SCYGR7: variants seen among roughly 807,000 people sequenced by gnomAD.
SCYGR7 encodes the protein small cysteine and glycine repeat containing 7.
rs576524732 is a variant in SCYGR7, at chr2:227,728,380, T to G, written c.46T>G (p.Cys16Gly). The change falls in exon 1 of 1, where the codon TGT becomes GGT. Residue 16 changes from cysteine to glycine, a missense_variant. Transcript: ENST00000641700. ...AAGTTGTGGTGGCTGCGGTGGTGGCTGTGGTGGCTGCGGTGGTGGCTGCGG... is the reference window on the plus strand; with the variant it reads ...AAGTTGTGGTGGCTGCGGTGGTGGCGGTGGTGGCTGCGGTGGTGGCTGCGG... 1,249 of 403,100 alleles carry G rather than the reference T, an allele frequency of 3.1e-3. 3 individuals are homozygous for G. The highest frequency in any genetic ancestry group is 4.5e-3 in the Non-Finnish European group (1,039 of 232,790). The allele number at this position is 403,100 out of a possible 1,614,324, so 25.0% of individuals were successfully genotyped here.
exon 1 of SCYGR7, chr2:227,728,368 TGCGGTGGTG>T (rs1296185859): frequency 1.5e-5 from 6 of 406,866 alleles, no homozygotes; most frequent in South Asian, 1.2e-4. Context: ...TTGTGGTGGC[TGCGGTGGTG>T]GCTGTGGTGG....
At chr2:227,728,359 T>TGTGGTGGCTGCG (rs1559265990) in exon 1 of SCYGR7, 13 of 403,846 alleles carry the variant, frequency 3.2e-5, no homozygotes, top group Admixed American at 2.2e-4. Flanking sequence ...TTGTGGAAGT[T>TGTGGTGGCTGCG]GTGGTGGCTG....
exon 1 of SCYGR7, chr2:227,728,358 T>TTGTGGTGGTGGCGGTGGTGGC: frequency 7.4e-6 from 3 of 404,206 alleles, no homozygotes; most frequent in Non-Finnish European, 1.3e-5. Flanking sequence ...GTTGTGGAAG[T>TTGTGGTGGTGGCGGTGGTGGC]TGTGGTGGCT....
Position 227,728,367 on chromosome 2 carries a change from C to T in SCYGR7, c.33C>T (p.Gly11=), listed in dbSNP as rs945382338. The T allele has an allele frequency of 1.5e-4, 61 of 406,888 alleles. No homozygotes were observed. In the Middle Eastern group the frequency reaches 1.8e-3, roughly 12 times the overall value. 25.2% of individuals were successfully genotyped at this position (406,888 alleles called of 1,614,324 possible). ...GCTGTGGTTGTGGAAGTTGTGGTGG[C>T]TGCGGTGGTGGCTGTGGTGGCTGCG... is the stretch of plus-strand genomic sequence containing the variant. Residue 11 remains glycine (G), a synonymous_variant, in exon 1 of 1, where the codon GGC becomes GGT. Transcript: ENST00000641700.
exon 1 of SCYGR7, chr2:227,728,363 G>A (rs1696586396): frequency 2.5e-6 from 1 of 405,788 alleles, no homozygotes; most frequent in Non-Finnish European, 4.3e-6. Context: ...GGAAGTTGTG[G>A]TGGCTGCGGT....
chr2:227,728,462 G>A (rs958270001), exon 1 of SCYGR7: 30 of 399,980 alleles, frequency 7.5e-5, no homozygotes, highest in Admixed American at 1.3e-4. Context: ...TACCGGGTGG[G>A]CTGCTGCTCC....
chr2:227,728,555 C>T (rs939255684), exon 1 of SCYGR7: 6 of 398,920 alleles, frequency 1.5e-5, no homozygotes, highest in Middle Eastern at 6.2e-4. Flanking sequence ...ACCTGCGGCT[C>T]ATGTGGCTGC....
chr2:227,728,401 T>TGTGGTGGTG, exon 1 of SCYGR7: 1 of 405,012 alleles, frequency 2.5e-6, no homozygotes, highest in Non-Finnish European at 4.3e-6. Flanking sequence ...CGGTGGTGGC[T>TGTGGTGGTG]GCGGTGGTGG....
At chr2:227,728,370 C>CGGTGGTGGCTGT (rs768972468) in exon 1 of SCYGR7, 4,237 of 405,702 alleles carry the variant, frequency 0.01, 44 homozygotes, top group Non-Finnish European at 0.013. Context: ...GTGGTGGCTG[C>CGGTGGTGGCTGT]GGTGGTGGCT....
chr2:227,728,592 G>C (rs531998554), exon 1 of SCYGR7: 20 of 399,172 alleles, frequency 5.0e-5, no homozygotes, highest in African/African-American at 3.3e-4. Context: ...GTTGCCAGCA[G>C]AAAGGCTGCT....
chr2:227,728,382 T>C (rs1251343841), exon 1 of SCYGR7: 6 of 401,306 alleles, frequency 1.5e-5, no homozygotes, highest in Non-Finnish European at 2.6e-5. Flanking sequence ...GTGGTGGCTG[T>C]GGTGGCTGCG....
exon 1 of SCYGR7, chr2:227,728,377 G>GGCTGTGGTGGCT (rs1696587018): frequency 2.5e-6 from 1 of 402,728 alleles, no homozygotes; most frequent in Non-Finnish European, 4.3e-6. Flanking sequence ...CTGCGGTGGT[G>GGCTGTGGTGGCT]GCTGTGGTGG....
rs1044995434 is a variant in SCYGR7, at chr2:227,728,437, A to C, written c.103A>C (p.Thr35Pro). The change falls in exon 1 of 1, where the codon ACC becomes CCC. Residue 35 changes from threonine to proline, a missense_variant. Physicochemically the swap from Thr to Pro is conservative, Grantham distance 38 (BLOSUM62 -1). Coordinates refer to ENST00000641700, the Ensembl canonical transcript of SCYGR7. Reference sequence around the variant, plus strand: ...CTGCGGTGGTGGCTGTGGCAGCTGCACCACCTGCAGGTGCTACCGGGTGGG... The same window carrying C: ...CTGCGGTGGTGGCTGTGGCAGCTGCCCCACCTGCAGGTGCTACCGGGTGGG... 2.5e-5 allele frequency: 10 copies of C among 400,198 alleles called. No homozygotes were observed. In the Admixed American group the frequency reaches 4.4e-4, roughly 18 times the overall value. 24.8% of individuals were successfully genotyped at this position (400,198 alleles called of 1,614,324 possible). A position where few individuals can be genotyped will look rare whatever the true frequency, so the allele number is the denominator to read the frequency against.
At chr2:227,728,458 G>C (rs925283190) in exon 1 of SCYGR7, 2 of 399,904 alleles carry the variant, frequency 5.0e-6, no homozygotes, top group Admixed American at 4.4e-5. Context: ...GTGCTACCGG[G>C]TGGGCTGCTG....
In SCYGR7 at chr2:227,728,622, C is replaced by T. The variant is rs376802995; in HGVS notation, c.288C>T (p.Cys96=). Residue 96 remains cysteine, a synonymous_variant, in exon 1 of 1, where the codon TGC becomes TGT. Coordinates refer to ENST00000641700, the Ensembl canonical transcript of SCYGR7. ...GCTGCTGCCAGAAGCAATGCTGCTGCTAGGCGGGCCCCCGGCCTCTGGGAA... is the reference window on the plus strand; with the variant it reads ...GCTGCTGCCAGAAGCAATGCTGCTGTTAGGCGGGCCCCCGGCCTCTGGGAA... The T allele has an allele frequency of 9.0e-4, 360 of 398,942 alleles. 1 individual carries two copies. Among genetic ancestry groups the T allele is most frequent in the South Asian group, 3.2e-3 (25 of 7,878 alleles). 24.7% of individuals were successfully genotyped at this position (398,942 alleles called of 1,614,324 possible). A position where few individuals can be genotyped will look rare whatever the true frequency, so the allele number is the denominator to read the frequency against.
exon 1 of SCYGR7, chr2:227,728,547 C>G (rs1696593813): frequency 2.5e-6 from 1 of 399,016 alleles, no homozygotes; most frequent in East Asian, 3.6e-5. Flanking sequence ...GCCGCCGCAC[C>G]TGCGGCTCAT....
chr2:227,728,546 C>T (rs1169612745), exon 1 of SCYGR7: 1 of 398,986 alleles, frequency 2.5e-6, no homozygotes, highest in East Asian at 3.6e-5. Flanking sequence ...TGCCGCCGCA[C>T]CTGCGGCTCA....
exon 1 of SCYGR7, chr2:227,728,450 G>A (rs13025217): frequency 0.35 from 141,267 of 400,342 alleles, 26,171 homozygotes; most frequent in South Asian, 0.44. Flanking sequence ...ACCTGCAGGT[G>A]CTACCGGGTG....
rs140367260 is a variant in SCYGR7 at position 227,728,340 on chromosome 2, T to C, written c.6T>C (p.Gly2=). Residue 2 remains glycine, a synonymous_variant, in exon 1 of 1, where the codon GGT becomes GGC. Coordinates refer to ENST00000641700, the Ensembl canonical transcript of SCYGR7. Reference sequence around the variant, plus strand: ...GAGTCCTCTTTACTGACACCATGGGTTGCTGTGGTTGTGGAAGTTGTGGTG... The same window carrying C: ...GAGTCCTCTTTACTGACACCATGGGCTGCTGTGGTTGTGGAAGTTGTGGTG... The C allele has an allele frequency of 2.7e-3, 1,103 of 403,336 alleles. 24 individuals carry two copies. In the East Asian group the frequency reaches 0.038, roughly 14 times the overall value. 25.0% of individuals were successfully genotyped at this position (403,336 alleles called of 1,614,324 possible).
Sources: gnomAD v4.1 joint callset for allele counts on GRCh38, gnomAD v4.1.1 for gene constraint, MANE v1.5 for transcripts, NCBI Gene and HGNC (gene_info 2026-07-23, HGNC 2026-07-21) for gene names.